TMA16: variants seen among roughly 807,000 people sequenced by gnomAD.
TMA16 encodes the protein translation machinery associated 16 homolog, also known as translation machinery-associated protein 16.
Under a neutral mutation model 27.1 loss-of-function variants are expected in TMA16, and 26 were observed. The observed-to-expected ratio is 0.96, with a 90% CI of 0.70 to 1.33. The LOEUF is 1.33. TMA16 is among the 40% of genes most tolerant of loss of function. TMA16 has a pLI of 0.00. For synonymous variants in TMA16, 71 were observed against 81.9 expected, an observed-to-expected ratio of 0.87 and a Z score of 0.72; for missense variants, 233 against 241.4, an observed-to-expected ratio of 0.97 and a Z score of 0.23.
intron 5 of TMA16, chr4:163,516,036 C>T (rs1328503490): frequency 3.3e-5 from 5 of 153,734 alleles, no homozygotes; most frequent in Admixed American, 6.4e-5. Context: ...GTTCAGGCCA[C>T]TATCGTCTCA....
At chr4:163,518,621 A>C (rs1737920898) in intron 6 of TMA16, among the ~76,000 whole-genome samples, 1 of 152,216 alleles carries the variant, frequency 6.6e-6, no homozygotes, top group Admixed American at 6.5e-5. Flanking sequence ...AATTGAAATT[A>C]GGTAAATTTA....
rs374977018 is a variant in TMA16, at chr4:163,497,967, C to T, written c.3+3163C>T. On this transcript the variant is annotated intron_variant, in intron 1 of 6. Coordinates refer to ENST00000358572, the MANE Select transcript of TMA16 (RefSeq NM_018352.3). ...ATTCAGATACTTTATATGTATGTAC[C>T]AGCATATATGTATGTTCCCTAACCT... Among the ~76,000 whole-genome samples, 76 of 152,266 alleles carry T rather than the reference C, an allele frequency of 5.0e-4. 2 individuals carry two copies. The South Asian group carries it at 0.015, about 31-fold the overall frequency.
Position 163,520,007 on chromosome 4 carries a change from T to C in TMA16, c.*493T>C, listed in dbSNP as rs1203138022. ...AATAAGGGAAAATGTGATAAGAAGT[T>C]TGTATACATTTCTGGATTATAGATT... On this transcript the variant is annotated 3_prime_UTR_variant, in exon 7 of 7. Coordinates refer to ENST00000358572, the MANE Select transcript of TMA16 (RefSeq NM_018352.3). 4.9e-6 allele frequency: 3 copies of C among 610,420 alleles called. No homozygotes were observed. The South Asian group carries it at 5.0e-5, about 10-fold the overall frequency. 37.8% of individuals were successfully genotyped at this position (610,420 alleles called of 1,614,324 possible). A position where few individuals can be genotyped will look rare whatever the true frequency, so the allele number is the denominator to read the frequency against.
intron 5 of TMA16, chr4:163,517,103 C>A: frequency 4.3e-6 from 1 of 230,520 alleles, no homozygotes. Context: ...GGGGTTTCAC[C>A]TTGTTAGCCA....
chr4:163,501,168 C>T (rs994856104), intron 1 of TMA16, among the ~76,000 whole-genome samples: 3 of 151,944 alleles, frequency 2.0e-5, no homozygotes, highest in Admixed American at 6.6e-5. Context: ...AGAACTAGTC[C>T]TTCCTTCATA....
intron 1 of TMA16, among the ~76,000 whole-genome samples, chr4:163,496,466 G>C (rs1447573905): frequency 6.6e-6 from 1 of 152,046 alleles, no homozygotes; most frequent in East Asian, 1.9e-4. Flanking sequence ...GTAAATCTTT[G>C]CTGGAGCTTA....
chr4:163,515,474 A>AT lies in TMA16; in HGVS notation c.388+19dup, dbSNP rs773535073. ...GGATATGGCCTTGGTGTGCTCACTGATTTTTTATTTTCCTTTTATATGACA... is the reference window on the plus strand; with the variant it reads ...GGATATGGCCTTGGTGTGCTCACTGATTTTTTTATTTTCCTTTTATATGACA... On this transcript the variant is annotated intron_variant, in intron 5 of 6. Coordinates refer to ENST00000358572, the MANE Select transcript of TMA16 (RefSeq NM_018352.3). 6.9e-6 allele frequency: 11 copies of AT among 1,600,980 alleles called. No individual in the cohort carries two copies. The highest frequency in any genetic ancestry group is 2.3e-5 in the South Asian group (2 of 88,524).
chr4:163,517,263 T>C (rs1158629287), intron 5 of TMA16, 171 bp from the exon 6 acceptor site: 3 of 619,928 alleles, frequency 4.8e-6, no homozygotes, highest in South Asian at 3.9e-5. Flanking sequence ...AGGATTTTTC[T>C]TAAGTCATCT....
intron 2 of TMA16, among the ~76,000 whole-genome samples, chr4:163,509,056 C>T (rs1053657665): frequency 1.4e-4 from 21 of 152,126 alleles, no homozygotes; most frequent in African/African-American, 4.6e-4. Context: ...CAAAAAGTCA[C>T]TCTCTTAGTA....
intron 1 of TMA16, among the ~76,000 whole-genome samples, chr4:163,502,919 T>C (rs369332840): frequency 6.6e-6 from 1 of 152,210 alleles, no homozygotes. Flanking sequence ...AATGACATTT[T>C]GGTCATCAGT....
intron 2 of TMA16, among the ~76,000 whole-genome samples, chr4:163,511,440 A>G (rs978619061): frequency 6.6e-6 from 1 of 152,056 alleles, no homozygotes; most frequent in African/African-American, 2.4e-5. Flanking sequence ...AGGACTGTTT[A>G]TATATTCTAG....
At chr4:163,505,062 C>G (rs747160709) in intron 1 of TMA16, among the ~76,000 whole-genome samples, 5 of 152,252 alleles carry the variant, frequency 3.3e-5, no homozygotes, top group Non-Finnish European at 7.4e-5. Flanking sequence ...TTGCTAAATG[C>G]TCTTCATTAA....
At chr4:163,504,003 C>A (rs1309613972) in intron 1 of TMA16, among the ~76,000 whole-genome samples, 2 of 152,026 alleles carry the variant, frequency 1.3e-5, no homozygotes, top group African/African-American at 4.8e-5. Flanking sequence ...CTTGAAGGTT[C>A]TTTAGCCAAG....
At chr4:163,502,028 A>T (rs1301149119) in intron 1 of TMA16, among the ~76,000 whole-genome samples, 3 of 152,178 alleles carry the variant, frequency 2.0e-5, no homozygotes, top group African/African-American at 7.2e-5. Context: ...TTATCCTAGT[A>T]CATGGTATAT....
At chr4:163,502,930 G>A (rs1737668131) in intron 1 of TMA16, among the ~76,000 whole-genome samples, 1 of 152,134 alleles carries the variant, frequency 6.6e-6, no homozygotes, top group Non-Finnish European at 1.5e-5. Flanking sequence ...GGTCATCAGT[G>A]GGCCACATAT....
Position 163,508,830 on chromosome 4 carries a change from T to C in TMA16, c.116+1685T>C, listed in dbSNP as rs75139896. Among the ~76,000 whole-genome samples, 619 of 152,330 alleles carry C rather than the reference T, an allele frequency of 4.1e-3. 1 individual carries two copies. Among genetic ancestry groups the C allele is most frequent in the African/African-American group, 0.013 (560 of 41,584 alleles). On this transcript the variant is annotated intron_variant, in intron 2 of 6. Transcript: ENST00000358572. ...TGTATGTTGTCAGGTATATTCAGCA[T>C]GTTGTGTATTGATTTACAGAATTAG... is the stretch of plus-strand genomic sequence containing the variant.
At position 163,507,097 on chromosome 4, in the gene TMA16, A is replaced by G. The variant is rs1485786367; in HGVS notation, c.68A>G (p.Lys23Arg). The G allele has an allele frequency of 6.3e-7, 1 of 1,593,732 alleles. No homozygotes were observed. The highest frequency in any genetic ancestry group is 1.3e-5 in the African/African-American group (1 of 74,614). The change falls in exon 2 of 7, where the codon AAA becomes AGA. Residue 23 changes from lysine (K) to arginine (R), a missense_variant. By Grantham distance (26) the Lys-to-Arg change is conservative. Transcript: ENST00000358572. ...EKKVIHPYSRKAAQITREAHK... is the reference protein window; with the variant it reads ...EKKVIHPYSRRAAQITREAHK... ...AAAGTCATCCATCCATATAGTAGAA[A>G]AGCAGCTCAAATTACGAGAGAGGCC...
intron 1 of TMA16, 179 bp downstream of exon 1, chr4:163,494,983 A>G (rs1737527434): frequency 1.1e-6 from 1 of 883,106 alleles, no homozygotes; most frequent in Non-Finnish European, 1.7e-6. Flanking sequence ...TCCCAGGCCC[A>G]ACGCCTGGAC....
chr4:163,499,167 C>T (rs1187947848), intron 1 of TMA16, among the ~76,000 whole-genome samples: 2 of 151,920 alleles, frequency 1.3e-5, no homozygotes, highest in South Asian at 2.1e-4. Context: ...TTTTAGTCTT[C>T]CTGTGATTTG....
Sources: gnomAD v4.1 joint callset for allele counts (sites outside exome capture counted in the v4.1 genomes callset) on GRCh38, gnomAD v4.1.1 for gene constraint, MANE v1.5 for transcripts, NCBI Gene and HGNC (gene_info 2026-07-23, HGNC 2026-07-21) for gene names.